Variants in ANKRD22 observed in about 807,000 individuals in gnomAD.
The protein encoded by ANKRD22 is ankyrin repeat domain 22, also known as ankyrin repeat domain-containing protein 22.
A neutral mutation model predicts 25.7 loss-of-function variants in ANKRD22; 24 were observed. The ratio of observed to expected loss-of-function variants is 0.93; its 90% confidence interval spans 0.68 to 1.31. ANKRD22 has a LOEUF of 1.31. ANKRD22 is among the 50% of genes most tolerant of loss of function. ANKRD22 has a pLI of 0.00. For synonymous variants in ANKRD22, 84 were observed against 84.3 expected (o/e 1.00, Z 0.02); for missense variants, 214 against 227.1 (o/e 0.94, Z 0.37).
At chr10:88,830,071 G>A (rs1843890240) in intron 2 of ANKRD22, among the ~76,000 whole-genome samples, 1 of 152,168 alleles carries the variant, frequency 6.6e-6, no homozygotes, top group African/African-American at 2.4e-5. Flanking sequence ...TTCCAGACAT[G>A]AGCCACTGCA....
chr10:88,822,805 A>T lies in ANKRD22; in HGVS notation c.*136T>A. ...TATAAATAAAAAGCTCTTCCAAAACATTAACCATGGTAAGCATCATTATCC... is the reference window on the plus strand; with the variant it reads ...TATAAATAAAAAGCTCTTCCAAAACTTTAACCATGGTAAGCATCATTATCC... On this transcript the variant is annotated 3_prime_UTR_variant, in exon 6 of 6. Transcript: ENST00000371930. The T allele has an allele frequency of 1.3e-6, 1 of 775,158 alleles. No individual in the cohort carries two copies. The highest frequency in any genetic ancestry group is 2.5e-5 in the East Asian group (1 of 40,698). 48.0% of individuals were successfully genotyped at this position (775,158 alleles called of 1,614,324 possible).
rs1358668363 is a variant in ANKRD22 at position 88,837,668 on chromosome 10, G to A, written c.22-5642C>T. Among the ~76,000 whole-genome samples, 5 of 152,288 alleles carry A rather than the reference G, an allele frequency of 3.3e-5. No homozygotes were observed. In the South Asian group the frequency reaches 1.0e-3, roughly 32 times the overall value. On this transcript the variant is annotated intron_variant, in intron 1 of 5. Coordinates refer to ENST00000371930, the MANE Select transcript of ANKRD22 (RefSeq NM_144590.3). ...TCTAGATAACTAATATGGTTTGGCT[G>A]TGTCTCCACCCAAATCTCATCTTGA...
chr10:88,837,715 A>C (rs1405413045), intron 1 of ANKRD22, among the ~76,000 whole-genome samples: 1 of 152,210 alleles, frequency 6.6e-6, no homozygotes, highest in Non-Finnish European at 1.5e-5. Flanking sequence ...TATAATTCCC[A>C]CATGTCATGG....
intron 1 of ANKRD22, among the ~76,000 whole-genome samples, chr10:88,835,388 G>T (rs1422405743): frequency 6.6e-6 from 1 of 152,110 alleles, no homozygotes; most frequent in Non-Finnish European, 1.5e-5. Flanking sequence ...TCACAACAGG[G>T]ATACGTTCTG....
At chr10:88,832,052 T>A in intron 1 of ANKRD22, 26 bp from the exon 2 acceptor site, 1 of 1,573,518 alleles carries the variant, frequency 6.4e-7, no homozygotes. Context: ...CAAAAGCAGG[T>A]TTTGAAATAC....
At chr10:88,826,798 G>A (rs938013810) in intron 3 of ANKRD22, among the ~76,000 whole-genome samples, 2 of 151,978 alleles carry the variant, frequency 1.3e-5, no homozygotes, top group Non-Finnish European at 2.9e-5. Context: ...CCCGCTTTAT[G>A]GTAATTTTAC....
chr10:88,823,537 A>G (rs573227841), intron 4 of ANKRD22, 159 bp from the exon 5 acceptor site: 14 of 629,406 alleles, frequency 2.2e-5, no homozygotes, highest in Non-Finnish European at 3.8e-5. Context: ...TAGTACTTAA[A>G]AAATTTTTCG....
Position 88,831,834 on chromosome 10 carries a change from C to T in ANKRD22, c.213+1G>A. Reference sequence around the variant, plus strand: ...ACTCTCCATTCATGTCATGACCTCACCTGGTTTTTGAGGTTGACATTAGCA... The same window carrying T: ...ACTCTCCATTCATGTCATGACCTCATCTGGTTTTTGAGGTTGACATTAGCA... On this transcript the variant is annotated splice_donor_variant, in intron 2 of 5. Coordinates refer to ENST00000371930, the MANE Select transcript of ANKRD22 (RefSeq NM_144590.3). LOFTEE classifies it high-confidence loss of function. 1.9e-6 allele frequency: 3 copies of T among 1,603,594 alleles called. No individual in the cohort carries two copies. Among genetic ancestry groups the T allele is most frequent in the Non-Finnish European group, 2.6e-6 (3 of 1,175,478 alleles).
Position 88,848,389 on chromosome 10 carries a change from A to C in ANKRD22, c.21+3198T>G, listed in dbSNP as rs981955082. On this transcript the variant is annotated intron_variant, in intron 1 of 5. Coordinates refer to ENST00000371930, the MANE Select transcript of ANKRD22 (RefSeq NM_144590.3). ...TTTTCTCTCTGAACTTTTGTGACTT[A>C]GCACAACATTTTAATTTGTAAAATT... is the stretch of plus-strand genomic sequence containing the variant. Among the ~76,000 whole-genome samples, 5 of 152,200 alleles carry C rather than the reference A, an allele frequency of 3.3e-5. No homozygotes were observed. The East Asian group carries it at 9.7e-4, about 29-fold the overall frequency.
intron 1 of ANKRD22, among the ~76,000 whole-genome samples, chr10:88,844,011 A>G (rs1844026480): frequency 6.6e-6 from 1 of 152,154 alleles, no homozygotes; most frequent in Non-Finnish European, 1.5e-5. Context: ...AAAAATTATA[A>G]TACTTCAGTA....
At position 88,820,338 on chromosome 10, in the gene ANKRD22, C is replaced by T; in HGVS notation, c.*2603G>A. 1 of 1,552,304 alleles carries T rather than the reference C, an allele frequency of 6.4e-7. No individual in the cohort carries two copies. Among genetic ancestry groups the T allele is most frequent in the Non-Finnish European group, 8.7e-7 (1 of 1,147,112 alleles). On this transcript the variant is annotated 3_prime_UTR_variant, in exon 6 of 6. Transcript: ENST00000371930. ...CCAGAAGACGTGAAAATGCTGCTCT[C>T]TGAGGTGACCAACCTCATCTACCAT... is the stretch of plus-strand genomic sequence containing the variant.
chr10:88,831,538 A>C (rs1843903534), intron 2 of ANKRD22, among the ~76,000 whole-genome samples: 1 of 152,196 alleles, frequency 6.6e-6, no homozygotes, highest in African/African-American at 2.4e-5. Context: ...AAGAAAGAGG[A>C]GGATGAAGAG....
chr10:88,846,773 GC>G (rs1844052998), intron 1 of ANKRD22, among the ~76,000 whole-genome samples: 1 of 152,074 alleles, frequency 6.6e-6, no homozygotes. Flanking sequence ...TGCCCACAAG[GC>G]CTGTCTCATC....
At chr10:88,836,156 C>T (rs1843952516) in intron 1 of ANKRD22, among the ~76,000 whole-genome samples, 1 of 152,158 alleles carries the variant, frequency 6.6e-6, no homozygotes, top group Non-Finnish European at 1.5e-5. Context: ...TTTACAACTT[C>T]ATCTCCTACC....
chr10:88,841,325 A>T (rs1254147327), intron 1 of ANKRD22, among the ~76,000 whole-genome samples: 1 of 152,124 alleles, frequency 6.6e-6, no homozygotes, highest in African/African-American at 2.4e-5. Context: ...GAGAGAAGGC[A>T]GTAGGGTGCC....
Position 88,832,110 on chromosome 10 carries a change from A to T in ANKRD22, c.22-84T>A. The stretch of plus-strand genomic sequence containing the variant: ...CGAAAAAAAAGTCATAACCCAATAC[A>T]TTAAAATTTAAATGTTTTAAAATTG... On this transcript the variant is annotated intron_variant, in intron 1 of 5. Transcript: ENST00000371930. 3.0e-6 allele frequency: 4 copies of T among 1,353,944 alleles called. No individual in the cohort carries two copies. In the South Asian group the frequency reaches 5.9e-5, roughly 20 times the overall value. 83.9% of individuals were successfully genotyped at this position (1,353,944 alleles called of 1,614,324 possible).
At chr10:88,830,854 A>G (rs1196788391) in intron 2 of ANKRD22, among the ~76,000 whole-genome samples, 2 of 152,196 alleles carry the variant, frequency 1.3e-5, no homozygotes, top group Admixed American at 6.5e-5. Flanking sequence ...AACTCCACAT[A>G]TCTGGTTTCA....
intron 1 of ANKRD22, among the ~76,000 whole-genome samples, chr10:88,850,140 G>A (rs1036397207): frequency 4.0e-5 from 6 of 151,350 alleles, no homozygotes; most frequent in East Asian, 3.9e-4. Context: ...TATTACAAAT[G>A]AGTAGGCTAT....
At chr10:88,843,350 G>C (rs921990163) in intron 1 of ANKRD22, among the ~76,000 whole-genome samples, 1 of 152,030 alleles carries the variant, frequency 6.6e-6, no homozygotes, top group Non-Finnish European at 1.5e-5. Context: ...CCTGCCAAAG[G>C]TCAACTGTTG....
Sources: gnomAD v4.1 joint callset for allele counts (sites outside exome capture counted in the v4.1 genomes callset) on GRCh38, gnomAD v4.1.1 for gene constraint, MANE v1.5 for transcripts, NCBI Gene and HGNC (gene_info 2026-07-23, HGNC 2026-07-21) for gene names.